The following LUZP2 variants were observed in gnomAD, a reference collection of about 807,000 sequenced individuals.
LUZP2 encodes leucine zipper protein 2.
LUZP2 carries 52 observed loss-of-function variants against 51.6 expected under a neutral mutation model. The ratio of observed to expected loss-of-function variants is 1.01; its 90% confidence interval spans 0.81 to 1.27. The LOEUF (loss-of-function observed/expected upper bound fraction) is 1.27. Among genes scored for constraint, LUZP2 ranks in the 50% most tolerant of loss-of-function variants. The pLI, the probability that LUZP2 is intolerant of heterozygous loss-of-function variation, is 0.00. For synonymous variants in LUZP2, 154 were observed against 137.3 expected (o/e 1.12, Z -0.85); for missense variants, 436 against 395.4 (o/e 1.10, Z -0.87).
intron 9 of LUZP2, among the ~76,000 whole-genome samples, chr11:25,034,791 T>G (rs1014500670): frequency 6.6e-6 from 1 of 152,106 alleles, no homozygotes; most frequent in Non-Finnish European, 1.5e-5. Context: ...TGTCTGTTTT[T>G]GTGCTAGTAC....
At chr11:24,744,456 G>A (rs1859300671) in intron 4 of LUZP2, among the ~76,000 whole-genome samples, 1 of 152,044 alleles carries the variant, frequency 6.6e-6, no homozygotes, top group South Asian at 2.1e-4. Context: ...ATTTTTCCAG[G>A]AATTTATCCA....
chr11:24,812,118 C>T (rs1375240784), intron 5 of LUZP2, among the ~76,000 whole-genome samples: 3 of 152,064 alleles, frequency 2.0e-5, no homozygotes, highest in Non-Finnish European at 4.4e-5. Context: ...TATATTAGAC[C>T]GTTTCCCTAT....
intron 9 of LUZP2, among the ~76,000 whole-genome samples, chr11:25,001,030 G>T (rs1334590426): frequency 6.6e-6 from 1 of 152,104 alleles, no homozygotes; most frequent in Non-Finnish European, 1.5e-5. Context: ...CTGCGCTGAT[G>T]GACTTGAGCT....
chr11:24,878,094 TTCTG>T (rs1297962807), intron 5 of LUZP2, among the ~76,000 whole-genome samples: 5 of 104,470 alleles, frequency 4.8e-5, no homozygotes, highest in Admixed American at 1.5e-4. Context: ...TGTTGTAATA[TTCTG>T]TGTTTTTTTT....
At chr11:24,583,533 G>A (rs554103200) in intron 1 of LUZP2, among the ~76,000 whole-genome samples, 1 of 152,042 alleles carries the variant, frequency 6.6e-6, no homozygotes, top group Non-Finnish European at 1.5e-5. Flanking sequence ...CAAATAACCA[G>A]ACTATTTGGC....
At chr11:24,556,615 G>A (rs912992705) in intron 1 of LUZP2, among the ~76,000 whole-genome samples, 1 of 152,102 alleles carries the variant, frequency 6.6e-6, no homozygotes, top group Non-Finnish European at 1.5e-5. Flanking sequence ...AGGTAGAAGA[G>A]TATATAATAT....
rs553696425 is a variant in LUZP2 at position 25,081,029 on chromosome 11, A to ATTTTTTTTTTTTTTT, written c.*2378_*2392dup. 2.0e-5 allele frequency: 2 copies of ATTTTTTTTTTTTTTT among 100,706 alleles called. No homozygotes were observed. The highest frequency in any genetic ancestry group is 7.5e-5 in the African/African-American group (2 of 26,512). The allele number at this position is 100,706 out of a possible 1,614,324, so 6.2% of individuals were successfully genotyped here. A position where few individuals can be genotyped will look rare whatever the true frequency, so the allele number is the denominator to read the frequency against. Reference sequence around the variant, plus strand: ...ATCAAGTGGGCTTTGGATCCATATGATTTTTTTTTTTTTTTTTTTTTGAGA... The same window carrying ATTTTTTTTTTTTTTT: ...ATCAAGTGGGCTTTGGATCCATATGATTTTTTTTTTTTTTTTTTTTTTTTTTTTTTTTTTTTGAGA... On this transcript the variant is annotated 3_prime_UTR_variant, in exon 12 of 12. Coordinates refer to ENST00000336930, the MANE Select transcript of LUZP2 (RefSeq NM_001009909.4).
intron 9 of LUZP2, among the ~76,000 whole-genome samples, chr11:25,003,267 A>T (rs995467882): frequency 2.6e-4 from 40 of 152,200 alleles, no homozygotes; most frequent in African/African-American, 9.2e-4. Context: ...GCCTGACCAA[A>T]CATGAGGGCT....
At chr11:24,909,111 G>A (rs1011962951) in intron 6 of LUZP2, among the ~76,000 whole-genome samples, 4 of 151,418 alleles carry the variant, frequency 2.6e-5, no homozygotes, top group Non-Finnish European at 5.9e-5. Flanking sequence ...ACAAAGAGAT[G>A]AGTAACTGTG....
intron 1 of LUZP2, among the ~76,000 whole-genome samples, chr11:24,649,820 A>C (rs1287559386): frequency 6.6e-6 from 1 of 151,970 alleles, no homozygotes; most frequent in Non-Finnish European, 1.5e-5. Context: ...TAATAGGATT[A>C]TTATTAATTT....
chr11:24,759,108 G>A (rs1015175793), intron 4 of LUZP2, among the ~76,000 whole-genome samples: 4 of 152,040 alleles, frequency 2.6e-5, no homozygotes, highest in African/African-American at 9.7e-5. Flanking sequence ...AGTGAAGAAT[G>A]GGCTCTCAGG....
intron 1 of LUZP2, among the ~76,000 whole-genome samples, chr11:24,710,196 A>G (rs1319583478): frequency 6.6e-6 from 1 of 152,120 alleles, no homozygotes; most frequent in Non-Finnish European, 1.5e-5. Context: ...AAATTAACAT[A>G]AATGAGAGGT....
At chr11:24,803,008 G>C (rs191867874) in intron 5 of LUZP2, among the ~76,000 whole-genome samples, 86 of 152,080 alleles carry the variant, frequency 5.7e-4, no homozygotes, top group African/African-American at 2.0e-3. Flanking sequence ...AAATTACCCA[G>C]TCTGTGGTAT....
Position 24,748,667 on chromosome 11 carries a change from C to T in LUZP2, c.333+10365C>T, listed in dbSNP as rs764396867. The stretch of plus-strand genomic sequence containing the variant: ...AGAGAGGGGGTTTCACCATGTTGGC[C>T]GGGATGGTCTTGATCTCTTGACCTC... On this transcript the variant is annotated intron_variant, in intron 4 of 11. Coordinates refer to ENST00000336930, the MANE Select transcript of LUZP2 (RefSeq NM_001009909.4). Among the ~76,000 whole-genome samples, 9 of 152,154 alleles carry T rather than the reference C, an allele frequency of 5.9e-5. No individual in the cohort carries two copies. In the East Asian group the frequency reaches 7.8e-4, roughly 13 times the overall value.
chr11:24,718,292 G>C (rs967178570), intron 1 of LUZP2, among the ~76,000 whole-genome samples: 5 of 152,216 alleles, frequency 3.3e-5, no homozygotes, highest in Non-Finnish European at 7.3e-5. Flanking sequence ...GAAACCCAAG[G>C]TGAGACAGAG....
At chr11:24,762,469 C>T (rs1282866448) in intron 4 of LUZP2, among the ~76,000 whole-genome samples, 1 of 152,050 alleles carries the variant, frequency 6.6e-6, no homozygotes, top group African/African-American at 2.4e-5. Flanking sequence ...TTAAATTCAC[C>T]TGTGTCATTA....
chr11:25,000,217 A>C (rs7949470), intron 9 of LUZP2, among the ~76,000 whole-genome samples: 139,047 of 152,080 alleles, frequency 0.91, 64,826 homozygotes, highest in Non-Finnish European at 1. Flanking sequence ...CATTTACAAT[A>C]CTTTAGCTAG....
chr11:24,889,026 A>T (rs541646904), intron 5 of LUZP2, among the ~76,000 whole-genome samples: 1 of 152,180 alleles, frequency 6.6e-6, no homozygotes, highest in Non-Finnish European at 1.5e-5. Context: ...TCTTTATAGC[A>T]TTATGAAAAC....
At chr11:24,668,168 G>GA in intron 1 of LUZP2, among the ~76,000 whole-genome samples, 1 of 152,316 alleles carries the variant, frequency 6.6e-6, no homozygotes, top group East Asian at 1.9e-4. Context: ...AATTATTACA[G>GA]AAAAAGTGTG....
Sources: gnomAD v4.1 joint callset for allele counts (sites outside exome capture counted in the v4.1 genomes callset) on GRCh38, gnomAD v4.1.1 for gene constraint, MANE v1.5 for transcripts, NCBI Gene and HGNC (gene_info 2026-07-23, HGNC 2026-07-21) for gene names.